KCNH7: variants seen among roughly 807,000 people sequenced by gnomAD.
KCNH7 encodes voltage-gated inwardly rectifying potassium channel KCNH7.
A neutral mutation model predicts 120.8 loss-of-function variants in KCNH7; 49 were observed. That is an observed-to-expected ratio of 0.41 (90% confidence interval 0.32 to 0.51). KCNH7 has a LOEUF of 0.51. Ranked by LOEUF, KCNH7 falls within the 20% of genes least tolerant of loss-of-function variation. The pLI is 0.38. For missense variants in KCNH7, 1,097 were observed against 1,446.6 expected (o/e 0.76, Z 3.92); for synonymous variants, 547 against 516.1 (o/e 1.06, Z -0.81).
At chr2:162,827,404 T>A (rs1685325206) in intron 2 of KCNH7, among the ~76,000 whole-genome samples, 1 of 152,046 alleles carries the variant, frequency 6.6e-6, no homozygotes, top group South Asian at 2.1e-4. Context: ...AAAATCTAAG[T>A]CAGTCATACA....
At chr2:162,396,995 T>A (rs1373691754) in intron 10 of KCNH7, 50 bp from the exon 11 acceptor site, 1 of 1,260,802 alleles carries the variant, frequency 7.9e-7, no homozygotes, top group Non-Finnish European at 1.1e-6. Context: ...CCAAACTCAA[T>A]GTTCTCCTTC....
chr2:162,625,070 T>G (rs1683504238), intron 2 of KCNH7, among the ~76,000 whole-genome samples: 1 of 151,834 alleles, frequency 6.6e-6, no homozygotes, highest in South Asian at 2.1e-4. Flanking sequence ...GCTAATTTGG[T>G]ATTTTTAGTA....
At chr2:162,496,510 G>T (rs115733281) in intron 6 of KCNH7, among the ~76,000 whole-genome samples, 2,010 of 152,172 alleles carry the variant, frequency 0.013, 48 homozygotes, top group African/African-American at 0.046. Context: ...GAGAAGGGGG[G>T]AAACTGGGAA....
intron 9 of KCNH7, among the ~76,000 whole-genome samples, chr2:162,408,858 A>G (rs1397694454): frequency 1.3e-5 from 2 of 151,962 alleles, no homozygotes; most frequent in African/African-American, 4.8e-5. Context: ...TTAGAAATTA[A>G]GAACAATACT....
chr2:162,447,688 T>C (rs1410950348), intron 6 of KCNH7, among the ~76,000 whole-genome samples: 1 of 152,144 alleles, frequency 6.6e-6, no homozygotes, highest in African/African-American at 2.4e-5. Context: ...TCTGTGTTTT[T>C]GGCAATTCTA....
chr2:162,413,611 C>A (rs1687456074), intron 9 of KCNH7, among the ~76,000 whole-genome samples: 1 of 151,998 alleles, frequency 6.6e-6, no homozygotes, highest in Admixed American at 6.6e-5. Context: ...AAATCATTTA[C>A]AAAACTAGAT....
rs142697442 is a variant in KCNH7 at position 162,446,048 on chromosome 2, G to A, written c.1524C>T (p.Asp508=). The A allele has an allele frequency of 4.8e-5, 77 of 1,613,526 alleles. No individual in the cohort carries two copies. The African/African-American group carries it at 8.9e-4, about 19-fold the overall frequency. ...CAGAACCTGATCCAAAAATCAGCAA[G>A]TCAAAAGGAATTGCTGCAACCATGT... ...LIDMVAAIPF[D]LLIFGSGSDE... is the part of the protein sequence containing the mutation. Residue 508 remains aspartate, a synonymous_variant, in exon 7 of 16, where the codon GAC becomes GAT. Transcript: ENST00000332142.
Position 162,372,113 on chromosome 2 carries a change from A to G in KCNH7, c.3325-18T>C. 1.3e-6 allele frequency: 2 copies of G among 1,587,926 alleles called. No individual in the cohort carries two copies. The highest frequency in any genetic ancestry group is 1.7e-6 in the Non-Finnish European group (2 of 1,162,512). On this transcript the variant is annotated intron_variant, in intron 15 of 15. Transcript: ENST00000332142. ...TCAGGACACTGATGGAAAAAGAACA[A>G]AACAAGTTTTTATAATTCACATTGA...
At position 162,587,155 on chromosome 2, in the gene KCNH7, G is replaced by A. The variant is rs529373760; in HGVS notation, c.308-50075C>T. On this transcript the variant is annotated intron_variant, in intron 2 of 15. Transcript: ENST00000332142. ...ATTTAATTTTCTGCTTGTTTATTATGCCATTTACTTCATATTTATGAATGA... is the reference window on the plus strand; with the variant it reads ...ATTTAATTTTCTGCTTGTTTATTATACCATTTACTTCATATTTATGAATGA... Among the ~76,000 whole-genome samples, 16 of 152,096 alleles carry A rather than the reference G, an allele frequency of 1.1e-4. No individual in the cohort carries two copies. In the South Asian group the frequency reaches 3.3e-3, roughly 32 times the overall value.
intron 2 of KCNH7, among the ~76,000 whole-genome samples, chr2:162,613,954 T>A (rs549457424): frequency 0.024 from 2,023 of 84,800 alleles, 54 homozygotes; most frequent in African/African-American, 0.07. Flanking sequence ...AAAGAGAAAG[T>A]TTTTTTTTTT....
Position 162,592,312 on chromosome 2 carries a change from G to A in KCNH7, c.308-55232C>T, listed in dbSNP as rs560547419. 5.3e-5 allele frequency among the ~76,000 whole-genome samples: 8 copies of A among 152,076 alleles called. No individual in the cohort carries two copies. The South Asian group carries it at 8.3e-4, about 16-fold the overall frequency. On this transcript the variant is annotated intron_variant, in intron 2 of 15. Transcript: ENST00000332142. ...TATGGTTGTAAGTATTTAATATATC[G>A]CCAAGGAAAGGGGTGGAGGCCACCA...
At chr2:162,781,775 G>C (rs1394747656) in intron 2 of KCNH7, among the ~76,000 whole-genome samples, 1 of 151,994 alleles carries the variant, frequency 6.6e-6, no homozygotes, top group Non-Finnish European at 1.5e-5. Flanking sequence ...TGTTTCAGGG[G>C]GTCAGTTAGA....
At chr2:162,570,175 G>T (rs1693413921) in intron 2 of KCNH7, among the ~76,000 whole-genome samples, 1 of 149,386 alleles carries the variant, frequency 6.7e-6, no homozygotes, top group African/African-American at 2.5e-5. Context: ...AAGTCTCTTT[G>T]TAGGTCTCTC....
intron 2 of KCNH7, among the ~76,000 whole-genome samples, chr2:162,759,838 T>C (rs1688909282): frequency 6.6e-6 from 1 of 152,156 alleles, no homozygotes; most frequent in Non-Finnish European, 1.5e-5. Context: ...AAATAATTAC[T>C]TTCTAGATGA....
chr2:162,618,492 A>G (rs574939648), intron 2 of KCNH7, among the ~76,000 whole-genome samples: 122 of 152,270 alleles, frequency 8.0e-4, no homozygotes, highest in African/African-American at 2.7e-3. Flanking sequence ...ATACACAGAA[A>G]TCACTAGTTT....
chr2:162,622,811 A>G (rs1044196959), intron 2 of KCNH7, among the ~76,000 whole-genome samples: 1 of 152,206 alleles, frequency 6.6e-6, no homozygotes, highest in Non-Finnish European at 1.5e-5. Flanking sequence ...GGATGTGACT[A>G]GGAAATAAAT....
chr2:162,470,849 G>A (rs1350794583), intron 6 of KCNH7, among the ~76,000 whole-genome samples: 2 of 152,242 alleles, frequency 1.3e-5, no homozygotes, highest in Non-Finnish European at 2.9e-5. Context: ...TGGTTGCTGT[G>A]TCTGTGTAGA....
rs141724254 is a variant in KCNH7, at chr2:162,790,538, A to G, written c.307+45999T>C. ...CAGGCAAGGACACTACAAGAAAAAG[A>G]TTATAAGCCAATATCCCCAATAAAC... On this transcript the variant is annotated intron_variant, in intron 2 of 15. Coordinates refer to ENST00000332142, the MANE Select transcript of KCNH7 (RefSeq NM_033272.4). Among the ~76,000 whole-genome samples the G allele has an allele frequency of 7.7e-3, 1,175 of 152,224 alleles. 20 individuals are homozygous for G. Among genetic ancestry groups the G allele is most frequent in the African/African-American group, 0.027 (1,102 of 41,556 alleles).
chr2:162,440,109 A>C (rs1166092986), intron 7 of KCNH7, among the ~76,000 whole-genome samples: 1 of 151,764 alleles, frequency 6.6e-6, no homozygotes, highest in Non-Finnish European at 1.5e-5. Flanking sequence ...AAATATTAAA[A>C]AATTTTTGAA....
Sources: gnomAD v4.1 joint callset for allele counts (sites outside exome capture counted in the v4.1 genomes callset) on GRCh38, gnomAD v4.1.1 for gene constraint, MANE v1.5 for transcripts, NCBI Gene and HGNC (gene_info 2026-07-23, HGNC 2026-07-21) for gene names.